Variants in ANKS1B observed in about 807,000 individuals in gnomAD.
ANKS1B encodes the protein ankyrin repeat and sterile alpha motif domain-containing protein 1B.
In ANKS1B, 36 loss-of-function variants were observed where a neutral mutation model predicts 148.3. The observed-to-expected ratio is 0.24, with a 90% CI of 0.19 to 0.32. The LOEUF (loss-of-function observed/expected upper bound fraction) is 0.32. Ranked by LOEUF, ANKS1B falls within the 10% of genes least tolerant of loss-of-function variation. The probability of loss-of-function intolerance (pLI) is 1.00; values close to 1 mark genes in which losing one functional copy is unlikely to be tolerated. For synonymous variants in ANKS1B, 542 were observed against 560.8 expected (o/e 0.97, Z 0.47); for missense variants, 1,157 against 1,542.6 (o/e 0.75, Z 4.19).
chr12:99,340,522 A>G (rs1275463145), intron 12 of ANKS1B, among the ~76,000 whole-genome samples: 2 of 152,030 alleles, frequency 1.3e-5, no homozygotes, highest in East Asian at 3.9e-4. Flanking sequence ...TAGATGGTAT[A>G]TATTTTTTAT....
intron 17 of ANKS1B, among the ~76,000 whole-genome samples, chr12:99,034,584 G>A (rs1286901338): frequency 1.3e-5 from 2 of 152,260 alleles, no homozygotes; most frequent in Admixed American, 6.5e-5. Context: ...CCAAAGTGCT[G>A]GGATTACAGG....
chr12:99,797,320 T>G (rs1244010198), intron 4 of ANKS1B, among the ~76,000 whole-genome samples: 2 of 151,980 alleles, frequency 1.3e-5, no homozygotes, highest in Admixed American at 6.6e-5. Context: ...AAATGAGCAC[T>G]ATTCTGTACA....
chr12:99,439,420 TGTG>T, intron 11 of ANKS1B, among the ~76,000 whole-genome samples: 1 of 151,806 alleles, frequency 6.6e-6, no homozygotes, highest in Middle Eastern at 3.4e-3. Flanking sequence ...ACCCATATCT[TGTG>T]GGGTTACAGA....
At chr12:99,836,966 C>G (rs1454919377) in intron 1 of ANKS1B, among the ~76,000 whole-genome samples, 1 of 152,052 alleles carries the variant, frequency 6.6e-6, no homozygotes, top group Non-Finnish European at 1.5e-5. Context: ...ATCTCTGGAA[C>G]GTGTGCATAT....
intron 25 of ANKS1B, among the ~76,000 whole-genome samples, chr12:98,772,837 C>G (rs2098606048): frequency 6.6e-6 from 1 of 152,192 alleles, no homozygotes; most frequent in Non-Finnish European, 1.5e-5. Flanking sequence ...CCCCCAGAAG[C>G]TGTGAGAAAA....
intron 17 of ANKS1B, among the ~76,000 whole-genome samples, chr12:98,932,581 T>C (rs754266234): frequency 1.3e-5 from 2 of 152,100 alleles, no homozygotes; most frequent in Admixed American, 1.3e-4. Context: ...GTTAGAAAAA[T>C]AGTATTTCAT....
intron 8 of ANKS1B, among the ~76,000 whole-genome samples, chr12:99,760,905 T>C (rs2062031931): frequency 6.6e-6 from 1 of 150,424 alleles, no homozygotes; most frequent in Non-Finnish European, 1.5e-5. Context: ...CCTCAGAGAC[T>C]ATGATGAACA....
intron 1 of ANKS1B, among the ~76,000 whole-genome samples, chr12:99,981,858 C>T (rs2095707224): frequency 1.3e-5 from 2 of 152,170 alleles, no homozygotes; most frequent in South Asian, 4.1e-4. Context: ...TTCTACAGTT[C>T]CTTCTAAAAC....
rs202209050 is a variant in ANKS1B at position 98,880,997 on chromosome 12, G to GT, written c.2779-48862dup. Reference sequence around the variant, plus strand: ...ACTGCTTTAATTCCCTGCTTGGAAAGTTTTTTTTAAAAAAAATTTTTTAAT... The same window carrying GT: ...ACTGCTTTAATTCCCTGCTTGGAAAGTTTTTTTTTAAAAAAAATTTTTTAAT... On this transcript the variant is annotated intron_variant, in intron 17 of 26. Coordinates refer to ENST00000683438, the MANE Select transcript of ANKS1B (RefSeq NM_001352186.2). 6.9e-3 allele frequency among the ~76,000 whole-genome samples: 1,044 copies of GT among 150,686 alleles called. 5 individuals are homozygous for GT. The highest frequency in any genetic ancestry group is 0.01 in the Middle Eastern group (3 of 292).
At chr12:98,754,866 A>C (rs751752170) in intron 25 of ANKS1B, among the ~76,000 whole-genome samples, 23 of 152,220 alleles carry the variant, frequency 1.5e-4, no homozygotes, top group Non-Finnish European at 2.8e-4. Flanking sequence ...TGTTGGATTA[A>C]GTTTTCCTGC....
chr12:99,840,180 T>C (rs1347480617), intron 1 of ANKS1B, among the ~76,000 whole-genome samples: 2 of 152,126 alleles, frequency 1.3e-5, no homozygotes, highest in Non-Finnish European at 2.9e-5. Context: ...GAGTGCTGTT[T>C]TATGCAGCAT....
chr12:99,580,829 G>T (rs528585802), intron 9 of ANKS1B, among the ~76,000 whole-genome samples: 1 of 152,110 alleles, frequency 6.6e-6, no homozygotes. Context: ...CCTGGTGTTT[G>T]CATGTACCAA....
At chr12:99,484,983 C>T (rs982821897) in intron 10 of ANKS1B, among the ~76,000 whole-genome samples, 1 of 151,878 alleles carries the variant, frequency 6.6e-6, no homozygotes, top group African/African-American at 2.4e-5. Context: ...TTCTGCCATT[C>T]TGTACCTTTT....
At chr12:99,818,507 T>G (rs1311117884) in intron 2 of ANKS1B, among the ~76,000 whole-genome samples, 1 of 151,866 alleles carries the variant, frequency 6.6e-6, no homozygotes, top group Non-Finnish European at 1.5e-5. Context: ...TGCTAATCAA[T>G]ATCTGTAAAA....
chr12:99,893,198 C>G (rs1021091766), intron 1 of ANKS1B, among the ~76,000 whole-genome samples: 1 of 151,950 alleles, frequency 6.6e-6, no homozygotes, highest in African/African-American at 2.4e-5. Flanking sequence ...ATCACAAGGT[C>G]AGGAGATCGA....
chr12:99,385,628 T>C lies in ANKS1B; in HGVS notation c.1756+14003A>G, dbSNP rs138122745. Among the ~76,000 whole-genome samples the C allele has an allele frequency of 5.7e-4, 87 of 152,320 alleles. No individual in the cohort carries two copies. In the East Asian group the frequency reaches 0.016, roughly 29 times the overall value. On this transcript the variant is annotated intron_variant, in intron 12 of 26. Coordinates refer to ENST00000683438, the MANE Select transcript of ANKS1B (RefSeq NM_001352186.2). Reference sequence around the variant, plus strand: ...CCTCAGGGAACAAACATGTTGTTAGTAGCAAACTACTTAGCTTAGAGAACT... The same window carrying C: ...CCTCAGGGAACAAACATGTTGTTAGCAGCAAACTACTTAGCTTAGAGAACT...
At chr12:99,453,778 C>T (rs755043570) in intron 10 of ANKS1B, among the ~76,000 whole-genome samples, 1 of 152,176 alleles carries the variant, frequency 6.6e-6, no homozygotes, top group Non-Finnish European at 1.5e-5. Context: ...TACAATGGTG[C>T]TTAGACTTTC....
At chr12:98,851,376 CT>C (rs2099524673) in intron 17 of ANKS1B, among the ~76,000 whole-genome samples, 1 of 152,096 alleles carries the variant, frequency 6.6e-6, no homozygotes, top group Non-Finnish European at 1.5e-5. Context: ...GGCTTCAGGG[CT>C]GAGAAGGAGA....
At chr12:99,935,483 A>G (rs1215461856) in intron 1 of ANKS1B, among the ~76,000 whole-genome samples, 2 of 152,132 alleles carry the variant, frequency 1.3e-5, no homozygotes, top group African/African-American at 4.8e-5. Context: ...TGAAATCAAA[A>G]TGTCCACCAA....
Sources: gnomAD v4.1 joint callset for allele counts (sites outside exome capture counted in the v4.1 genomes callset) on GRCh38, gnomAD v4.1.1 for gene constraint, MANE v1.5 for transcripts, NCBI Gene and HGNC (gene_info 2026-07-23, HGNC 2026-07-21) for gene names.